Variants in TUBB2B observed in about 807,000 individuals in gnomAD.
The protein encoded by TUBB2B is tubulin beta 2B class IIb.
In TUBB2B, 5 loss-of-function variants were observed where a neutral mutation model predicts 35.0. The ratio of observed to expected loss-of-function variants is 0.14; its 90% CI spans 0.07 to 0.30. TUBB2B has a LOEUF of 0.30. TUBB2B is among the 10% of genes least tolerant of loss of function. The pLI is 1.00. For synonymous variants in TUBB2B, 166 were observed against 250.5 expected (o/e 0.66, Z 3.18); for missense variants, 63 against 601.8 (o/e 0.10, Z 9.37).
At position 3,227,405 on chromosome 6, in the gene TUBB2B, C is replaced by G; in HGVS notation, c.57+82G>C. The G allele has an allele frequency of 6.4e-7, 1 of 1,573,354 alleles. No homozygotes were observed. Among genetic ancestry groups the G allele is most frequent in the Non-Finnish European group, 8.6e-7 (1 of 1,163,900 alleles). On this transcript the variant is annotated intron_variant, in intron 1 of 3. Coordinates refer to ENST00000259818, the MANE Select transcript of TUBB2B (RefSeq NM_178012.5). The surrounding 1 kb of genome is among the most constrained non-coding windows in gnomAD (Gnocchi z 7.8). The stretch of plus-strand genomic sequence containing the variant: ...GCATTTGGCGATCCCCAGGCCTTCC[C>G]AGGACCGCGCCTGGGGACCCCGAGG...
In TUBB2B at chr6:3,224,892, C is replaced by A; in HGVS notation, c.1197G>T (p.Thr399=). 6.2e-7 allele frequency: 1 copy of A among 1,601,492 alleles called. No individual in the cohort carries two copies. The highest frequency in any genetic ancestry group is 8.5e-7 in the Non-Finnish European group (1 of 1,177,216). The change falls in exon 4 of 4, where the codon ACG becomes ACT. Residue 399 remains threonine, a synonymous_variant. Transcript: ENST00000259818. ...ACTCCATCTCGTCCATGCCCTCGCC[C>A]GTGTACCAGTGCAGGAAGGCCTTGC... ...FRRKAFLHWY[T]GEGMDEMEFT... is the part of the protein sequence containing the mutation.
At position 3,226,417 on chromosome 6, in the gene TUBB2B, C is replaced by CA; in HGVS notation, c.166+143dup. ...AGGGCTCTGTTGGCATAAGGAAGCC[C>CA]AATGAAATACTGCAGGGAAAGAGCG... On this transcript the variant is annotated intron_variant, in intron 2 of 3. Transcript: ENST00000259818. The surrounding 1 kb of genome is among the most constrained non-coding windows in gnomAD (Gnocchi z 5.5). 2 of 1,031,524 alleles carry CA rather than the reference C, an allele frequency of 1.9e-6. No individual in the cohort carries two copies. The highest frequency in any genetic ancestry group is 1.3e-5 in the South Asian group (1 of 76,562). 63.9% of individuals were successfully genotyped at this position (1,031,524 alleles called of 1,614,324 possible).
Position 3,225,064 on chromosome 6 carries a change from A to G in TUBB2B, c.1025T>C (p.Val342Ala). The G allele has an allele frequency of 1.1e-6, 1 of 923,356 alleles. No homozygotes were observed. The allele number at this position is 923,356 out of a possible 1,614,324, so 57.2% of individuals were successfully genotyped here. A position where few individuals can be genotyped will look rare whatever the true frequency, so the allele number is the denominator to read the frequency against. ...CTTCACGTTGTTGGGGATCCACTCC[A>G]CGAAGTAGCTGCTGTTCTTGTTCTG... ...NVQNKNSSYF[V>A]EWIPNNVKTA... is the part of the protein sequence containing the mutation. Residue 342 changes from valine (V) to alanine (A), a missense_variant, in exon 4 of 4, where the codon GTG (valine) becomes GCG (alanine). Transcript: ENST00000259818.
Position 3,226,324 on chromosome 6 carries a change from G to A in TUBB2B, c.167-55C>T. 4.1e-6 allele frequency: 6 copies of A among 1,479,368 alleles called. No homozygotes were observed. The highest frequency in any genetic ancestry group is 1.7e-4 in the Middle Eastern group (1 of 5,812). 91.6% of individuals were successfully genotyped at this position (1,479,368 alleles called of 1,614,324 possible). ...CAGGCAAGGACCTCTGCAGAGAAGG[G>A]CTTGGCGCCTGCTGCCATCATGCAG... On this transcript the variant is annotated intron_variant, in intron 2 of 3. Transcript: ENST00000259818. This position sits in a 1 kb window ranked among gnomAD's most constrained non-coding sequence, Gnocchi z 5.5.
intron 3 of TUBB2B, 112 bp from the exon 4 acceptor site, chr6:3,225,923 T>C: frequency 6.5e-7 from 1 of 1,537,518 alleles, no homozygotes; most frequent in Non-Finnish European, 8.8e-7. Flanking sequence ...TATTTCAGAT[T>C]ATCACCAAAA....
rs1757299649 is a variant in TUBB2B at position 3,227,219 on chromosome 6, G to A, written c.57+268C>T. On this transcript the variant is annotated intron_variant, in intron 1 of 3. Coordinates refer to ENST00000259818, the MANE Select transcript of TUBB2B (RefSeq NM_178012.5). This position sits in a 1 kb window ranked among gnomAD's most constrained non-coding sequence, Gnocchi z 7.8. ...GCGGACACACCCTCGTCTTCTCCAG[G>A]CACGCGTGCCTGCCAAGCAGCCAGC... Among the ~76,000 whole-genome samples, 1 of 152,094 alleles carries A rather than the reference G, an allele frequency of 6.6e-6. No homozygotes were observed. The highest frequency in any genetic ancestry group is 2.4e-5 in the African/African-American group (1 of 41,438).
In TUBB2B at chr6:3,226,680, A is replaced by G. The variant is rs749197646; in HGVS notation, c.58-11T>C. The stretch of plus-strand genomic sequence containing the variant: ...GATGACCTCCCAAAACTGAGACAGA[A>G]AGGCTGCATTTAGCCATGAACGATG... On this transcript the variant is annotated splice_polypyrimidine_tract_variant and intron_variant, in intron 1 of 3. Coordinates refer to ENST00000259818, the MANE Select transcript of TUBB2B (RefSeq NM_178012.5). The surrounding 1 kb of genome is among the most constrained non-coding windows in gnomAD (Gnocchi z 5.5). 6.2e-7 allele frequency: 1 copy of G among 1,609,948 alleles called. No individual in the cohort carries two copies. Among genetic ancestry groups the G allele is most frequent in the Non-Finnish European group, 8.5e-7 (1 of 1,176,176 alleles).
intron 3 of TUBB2B, among the ~76,000 whole-genome samples, 170 bp downstream of exon 3, chr6:3,225,989 G>A (rs1472521480): frequency 6.6e-6 from 1 of 152,194 alleles, no homozygotes; most frequent in Non-Finnish European, 1.5e-5. Flanking sequence ...GGAAGGCCAG[G>A]ACACCAAGCT....
Position 3,227,344 on chromosome 6 carries a change from G to T in TUBB2B, c.57+143C>A. The T allele has an allele frequency of 9.1e-7, 1 of 1,101,356 alleles. No homozygotes were observed. Among genetic ancestry groups the T allele is most frequent in the Non-Finnish European group, 1.3e-6 (1 of 772,264 alleles). The allele number at this position is 1,101,356 out of a possible 1,614,324, so 68.2% of individuals were successfully genotyped here. On this transcript the variant is annotated intron_variant, in intron 1 of 3. Transcript: ENST00000259818. The surrounding 1 kb of genome is among the most constrained non-coding windows in gnomAD (Gnocchi z 7.8). ...CCGCGAAAGTCACCTCCTAGCCCAG[G>T]CCACACTCGGCGGCACAAAGCGGCC...
In TUBB2B at chr6:3,224,610, AC is replaced by A; in HGVS notation, c.*140del. ...AAAAGGAAAAAAAAAGTGACAGGCAACAGTGAAGAGCACCAGAGACCCAGCG... is the reference window on the plus strand; with the variant it reads ...AAAAGGAAAAAAAAAGTGACAGGCAAAGTGAAGAGCACCAGAGACCCAGCG... On this transcript the variant is annotated 3_prime_UTR_variant, in exon 4 of 4. Transcript: ENST00000259818. 7.9e-7 allele frequency: 1 copy of A among 1,270,712 alleles called. No individual in the cohort carries two copies. The highest frequency in any genetic ancestry group is 2.5e-5 in the East Asian group (1 of 39,560). 78.7% of individuals were successfully genotyped at this position (1,270,712 alleles called of 1,614,324 possible).
Position 3,227,375 on chromosome 6 carries a change from G to A in TUBB2B, c.57+112C>T, listed in dbSNP as rs1474222878. 2.8e-6 allele frequency: 4 copies of A among 1,416,194 alleles called. No homozygotes were observed. The highest frequency in any genetic ancestry group is 2.5e-5 in the East Asian group (1 of 40,790). 87.7% of individuals were successfully genotyped at this position (1,416,194 alleles called of 1,614,324 possible). On this transcript the variant is annotated intron_variant, in intron 1 of 3. Coordinates refer to ENST00000259818, the MANE Select transcript of TUBB2B (RefSeq NM_178012.5). The surrounding 1 kb of genome is among the most constrained non-coding windows in gnomAD (Gnocchi z 7.8). Reference sequence around the variant, plus strand: ...CTCGGCGGCACAAAGCGGCCAGGAAGGTCTGCATTTGGCGATCCCCAGGCC... The same window carrying A: ...CTCGGCGGCACAAAGCGGCCAGGAAAGTCTGCATTTGGCGATCCCCAGGCC...
chr6:3,227,352 C>A lies in TUBB2B; in HGVS notation c.57+135G>T. ...GTCACCTCCTAGCCCAGGCCACACT[C>A]GGCGGCACAAAGCGGCCAGGAAGGT... On this transcript the variant is annotated intron_variant, in intron 1 of 3. Coordinates refer to ENST00000259818, the MANE Select transcript of TUBB2B (RefSeq NM_178012.5). This position sits in a 1 kb window ranked among gnomAD's most constrained non-coding sequence, Gnocchi z 7.8. The A allele has an allele frequency of 2.5e-6, 3 of 1,192,746 alleles. No homozygotes were observed. Among genetic ancestry groups the A allele is most frequent in the Non-Finnish European group, 3.5e-6 (3 of 852,356 alleles). 73.9% of individuals were successfully genotyped at this position (1,192,746 alleles called of 1,614,324 possible). A position where few individuals can be genotyped will look rare whatever the true frequency, so the allele number is the denominator to read the frequency against.
At position 3,225,003 on chromosome 6, in the gene TUBB2B, C is replaced by T; in HGVS notation, c.1086G>A (p.Lys362=). 1 of 1,329,344 alleles carries T rather than the reference C, an allele frequency of 7.5e-7. No homozygotes were observed. The highest frequency in any genetic ancestry group is 1.3e-5 in the South Asian group (1 of 76,718). The allele number at this position is 1,329,344 out of a possible 1,614,324, so 82.3% of individuals were successfully genotyped here. A position where few individuals can be genotyped will look rare whatever the true frequency, so the allele number is the denominator to read the frequency against. ...AVCDIPPRGL[K]MSATFIGNST... ...TGTTGCCGATGAAGGTGGCCGACAT[C>T]TTCAGGCCGCGGGGCGGGATGTCGC... Residue 362 remains lysine, a synonymous_variant, in exon 4 of 4, where the codon AAG becomes AAA. Transcript: ENST00000259818.
Position 3,224,688 on chromosome 6 carries a change from C to A in TUBB2B, c.*63G>T. The A allele has an allele frequency of 1.2e-6, 2 of 1,602,762 alleles. No homozygotes were observed. Among genetic ancestry groups the A allele is most frequent in the South Asian group, 1.1e-5 (1 of 89,696 alleles). ...TCCTTCCACTGCCAGGTTATCGTCCCGGGAAGCCCCCCACCCCCTCGCTTT... is the reference window on the plus strand; with the variant it reads ...TCCTTCCACTGCCAGGTTATCGTCCAGGGAAGCCCCCCACCCCCTCGCTTT... On this transcript the variant is annotated 3_prime_UTR_variant, in exon 4 of 4. Coordinates refer to ENST00000259818, the MANE Select transcript of TUBB2B (RefSeq NM_178012.5).
chr6:3,224,931 C>T lies in TUBB2B; in HGVS notation c.1158G>A (p.Thr386=). The T allele has an allele frequency of 6.3e-7, 1 of 1,579,370 alleles. No individual in the cohort carries two copies. The highest frequency in any genetic ancestry group is 8.6e-7 in the Non-Finnish European group (1 of 1,166,610). The stretch of plus-strand genomic sequence containing the variant: ...GGAAGGCCTTGCGCCGGAACATGGC[C>T]GTGAACTGCTCGGAGATGCGCTTGA... ...ELFKRISEQF[T]AMFRRKAFLH... The change falls in exon 4 of 4, where the codon ACG becomes ACA. Residue 386 remains threonine (T), a synonymous_variant. Transcript: ENST00000259818.
In TUBB2B at chr6:3,224,775, C is replaced by T. The variant is rs770430326; in HGVS notation, c.1314G>A (p.Glu438=). ...ATADEQGEFE[E]EEGEDEA is the part of the protein sequence containing the mutation. ...TCTACGCCTCGTCCTCGCCCTCCTC[C>T]TCCTCGAACTCCCCTTGTTCGTCGG... The change falls in exon 4 of 4, where the codon GAG becomes GAA. Residue 438 remains glutamate (E), a synonymous_variant. Transcript: ENST00000259818. 6.2e-7 allele frequency: 1 copy of T among 1,613,986 alleles called. No individual in the cohort carries two copies. Among genetic ancestry groups the T allele is most frequent in the South Asian group, 1.1e-5 (1 of 91,074 alleles).
In TUBB2B at chr6:3,224,440, A is replaced by G; in HGVS notation, c.*311T>C. ...GAAGAATTCAATGCAATGTGTTCAG[A>G]AAGTTACATTTAAATCGTTAATAAA... is the stretch of plus-strand genomic sequence containing the variant. On this transcript the variant is annotated 3_prime_UTR_variant, in exon 4 of 4. Transcript: ENST00000259818. The G allele has an allele frequency of 2.0e-6, 1 of 512,634 alleles. No individual in the cohort carries two copies. The highest frequency in any genetic ancestry group is 3.5e-6 in the Non-Finnish European group (1 of 288,282). 31.8% of individuals were successfully genotyped at this position (512,634 alleles called of 1,614,324 possible).
chr6:3,224,725 T>A lies in TUBB2B; in HGVS notation c.*26A>T, dbSNP rs757438360. The A allele has an allele frequency of 1.9e-6, 3 of 1,612,416 alleles. No individual in the cohort carries two copies. The highest frequency in any genetic ancestry group is 1.7e-5 in the Admixed American group (1 of 59,994). Reference sequence around the variant, plus strand: ...CACCCCCTCGCTTTCCTCCTCCGCTTTCCCTAACCCGTCTCGCGGGGGCAT... The same window carrying A: ...CACCCCCTCGCTTTCCTCCTCCGCTATCCCTAACCCGTCTCGCGGGGGCAT... On this transcript the variant is annotated 3_prime_UTR_variant, in exon 4 of 4. Coordinates refer to ENST00000259818, the MANE Select transcript of TUBB2B (RefSeq NM_178012.5).
At position 3,227,601 on chromosome 6, in the gene TUBB2B, C is replaced by T. The variant is rs1323354169; in HGVS notation, c.-58G>A. On this transcript the variant is annotated 5_prime_UTR_variant, in exon 1 of 4. Coordinates refer to ENST00000259818, the MANE Select transcript of TUBB2B (RefSeq NM_178012.5). The surrounding 1 kb of genome is among the most constrained non-coding windows in gnomAD (Gnocchi z 7.8). ...CGTCTGGGTCTGTCCGTCCTCCCCT[C>T]ACACACCCACTGCGGGGTCACCGGG... 5 of 1,601,492 alleles carry T rather than the reference C, an allele frequency of 3.1e-6. No homozygotes were observed. The highest frequency in any genetic ancestry group is 4.3e-6 in the Non-Finnish European group (5 of 1,175,842).
Sources: allele counts gnomAD v4.1 joint callset (sites outside exome capture counted in the v4.1 genomes callset), GRCh38; gene constraint gnomAD v4.1.1; non-coding constraint Gnocchi (gnomAD v3.1); transcripts MANE v1.5; gene names NCBI Gene and HGNC (gene_info 2026-07-23, HGNC 2026-07-21).